Variants in HS6ST3 observed in about 807,000 individuals in gnomAD.
The protein encoded by HS6ST3 is heparan-sulfate 6-O-sulfotransferase 3.
In HS6ST3, 12 loss-of-function variants were observed where a neutral mutation model predicts 36.7. That is an observed-to-expected ratio of 0.33 (90% CI 0.21 to 0.53). The LOEUF (loss-of-function observed/expected upper bound fraction) is 0.53. HS6ST3 is among the 20% of genes least tolerant of loss of function. The pLI is 0.95. For synonymous variants in HS6ST3, 240 were observed against 257.5 expected (o/e 0.93, Z 0.65); for missense variants, 584 against 640.9 (o/e 0.91, Z 0.96).
At chr13:96,281,842 ACTGT>A (rs1315040246) in intron 1 of HS6ST3, among the ~76,000 whole-genome samples, 2 of 152,164 alleles carry the variant, frequency 1.3e-5, no homozygotes, top group South Asian at 2.1e-4. Flanking sequence ...ATTTTGCACG[ACTGT>A]CTGTCATCCT....
intron 1 of HS6ST3, among the ~76,000 whole-genome samples, chr13:96,480,214 A>G (rs2055883617): frequency 6.6e-6 from 1 of 152,150 alleles, no homozygotes. Flanking sequence ...TCTGGGTTCA[A>G]GCGATTCTTC....
chr13:96,454,042 C>G (rs1333963404), intron 1 of HS6ST3, among the ~76,000 whole-genome samples: 1 of 152,148 alleles, frequency 6.6e-6, no homozygotes, highest in African/African-American at 2.4e-5. Flanking sequence ...AAGAATCTCT[C>G]CCTTCTCCCT....
intron 1 of HS6ST3, among the ~76,000 whole-genome samples, chr13:96,256,534 C>G (rs1474889592): frequency 6.6e-6 from 1 of 152,224 alleles, no homozygotes; most frequent in East Asian, 1.9e-4. Context: ...CAGCTTCAGC[C>G]TCTTCTCAGC....
intron 1 of HS6ST3, among the ~76,000 whole-genome samples, chr13:96,143,139 A>G (rs922457496): frequency 2.6e-5 from 4 of 152,046 alleles, no homozygotes; most frequent in African/African-American, 7.2e-5. Flanking sequence ...GTCTCTGTGG[A>G]TGAACACAGA....
At chr13:96,755,447 C>T (rs1594852768) in intron 1 of HS6ST3, among the ~76,000 whole-genome samples, 2 of 152,094 alleles carry the variant, frequency 1.3e-5, no homozygotes, top group East Asian at 3.9e-4. Flanking sequence ...TCACTGCAAC[C>T]TCCGCTTTCT....
At chr13:96,298,481 G>A (rs989520403) in intron 1 of HS6ST3, among the ~76,000 whole-genome samples, 1 of 152,150 alleles carries the variant, frequency 6.6e-6, no homozygotes, top group Non-Finnish European at 1.5e-5. Context: ...AGGCTCGTTG[G>A]CAAAGAACAC....
chr13:96,829,472 C>G (rs371944714), intron 1 of HS6ST3, among the ~76,000 whole-genome samples: 32 of 152,114 alleles, frequency 2.1e-4, no homozygotes, highest in Admixed American at 2.6e-4. Context: ...CTGATCCTCT[C>G]CCTCCTCGCA....
At chr13:96,471,091 A>T (rs1295663696) in intron 1 of HS6ST3, among the ~76,000 whole-genome samples, 1 of 152,194 alleles carries the variant, frequency 6.6e-6, no homozygotes, top group Non-Finnish European at 1.5e-5. Flanking sequence ...CAGTAACAGA[A>T]ACTTCCACCA....
intron 1 of HS6ST3, among the ~76,000 whole-genome samples, chr13:96,431,107 G>A (rs2055612829): frequency 6.6e-6 from 1 of 152,052 alleles, no homozygotes; most frequent in African/African-American, 2.4e-5. Flanking sequence ...AGGAGGCTGA[G>A]GCAGGAGGAT....
chr13:96,117,093 T>C (rs1029521459), intron 1 of HS6ST3, among the ~76,000 whole-genome samples: 1 of 152,236 alleles, frequency 6.6e-6, no homozygotes, highest in Non-Finnish European at 1.5e-5. Flanking sequence ...CATTTAAGAT[T>C]GTGAAATAAA....
intron 1 of HS6ST3, among the ~76,000 whole-genome samples, chr13:96,356,541 A>C (rs2055211125): frequency 6.6e-6 from 1 of 152,184 alleles, no homozygotes; most frequent in Non-Finnish European, 1.5e-5. Flanking sequence ...GACTAGGTGC[A>C]TTGTCAATGA....
intron 1 of HS6ST3, among the ~76,000 whole-genome samples, chr13:96,528,465 G>A (rs962330732): frequency 2.6e-5 from 4 of 152,006 alleles, no homozygotes; most frequent in Admixed American, 2.6e-4. Flanking sequence ...GCCCAATACT[G>A]ATGAAATTGT....
intron 1 of HS6ST3, among the ~76,000 whole-genome samples, chr13:96,621,288 A>C (rs2056494122): frequency 6.6e-6 from 1 of 152,154 alleles, no homozygotes. Flanking sequence ...CCTTGTGGGA[A>C]GTGATTGGAT....
chr13:96,543,546 C>T (rs910077636), intron 1 of HS6ST3, among the ~76,000 whole-genome samples: 10 of 152,334 alleles, frequency 6.6e-5, no homozygotes, highest in African/African-American at 2.4e-4. Flanking sequence ...CTATTTCAGG[C>T]CTGCCTTCTC....
intron 1 of HS6ST3, among the ~76,000 whole-genome samples, chr13:96,292,252 T>A (rs994017634): frequency 4.0e-5 from 6 of 151,864 alleles, no homozygotes; most frequent in African/African-American, 1.2e-4. Context: ...GTTTAGAAGG[T>A]TTATATTACT....
chr13:96,107,544 T>A (rs1447183974), intron 1 of HS6ST3, among the ~76,000 whole-genome samples: 1 of 152,100 alleles, frequency 6.6e-6, no homozygotes, highest in Non-Finnish European at 1.5e-5. Context: ...TGATATGACA[T>A]GTGCTCCAGA....
At chr13:96,367,517 GCTTT>G (rs2055268950) in intron 1 of HS6ST3, among the ~76,000 whole-genome samples, 1 of 152,044 alleles carries the variant, frequency 6.6e-6, no homozygotes, top group Non-Finnish European at 1.5e-5. Flanking sequence ...CTCTTACTAT[GCTTT>G]CTTTCCTGGA....
chr13:96,126,364 C>T (rs1566888406), intron 1 of HS6ST3, among the ~76,000 whole-genome samples: 1 of 152,212 alleles, frequency 6.6e-6, no homozygotes, highest in Non-Finnish European at 1.5e-5. Flanking sequence ...TGCTTCCTCT[C>T]CACATGACCT....
chr13:96,302,156 C>G (rs1216826465), intron 1 of HS6ST3, among the ~76,000 whole-genome samples: 1 of 151,758 alleles, frequency 6.6e-6, no homozygotes, highest in Non-Finnish European at 1.5e-5. Flanking sequence ...CAATATGTAT[C>G]AATGGCCACA....
Sources: gnomAD v4.1 joint callset for allele counts (sites outside exome capture counted in the v4.1 genomes callset) on GRCh38, gnomAD v4.1.1 for gene constraint, MANE v1.5 for transcripts, NCBI Gene and HGNC (gene_info 2026-07-23, HGNC 2026-07-21) for gene names.